PLAC8: variants seen among roughly 807,000 people sequenced by gnomAD.
PLAC8 encodes the protein placenta associated 8.
PLAC8 carries 6 observed loss-of-function variants against 12.6 expected under a neutral mutation model. That is an observed-to-expected ratio of 0.48 (90% CI 0.26 to 0.94). The LOEUF (loss-of-function observed/expected upper bound fraction) is 0.94, where lower values mean the gene tolerates loss of function less well. Ranked by LOEUF, PLAC8 falls within the 40% of genes least tolerant of loss-of-function variation. PLAC8 has a pLI of 0.14. For missense variants in PLAC8, 122 were observed against 152.7 expected (o/e 0.80, Z 1.06); for synonymous variants, 54 against 52.6 (o/e 1.03, Z -0.11).
chr4:83,105,149 T>C, intron 2 of PLAC8, 129 bp from the exon 3 acceptor site: 1 of 964,080 alleles, frequency 1.0e-6, no homozygotes. Context: ...GCTAAGTCCA[T>C]CTTCAATGTT....
intron 3 of PLAC8, among the ~76,000 whole-genome samples, chr4:83,098,457 T>G (rs2126140749): frequency 6.6e-6 from 1 of 152,328 alleles, no homozygotes; most frequent in Admixed American, 6.5e-5. Flanking sequence ...AAATCTTACC[T>G]TATGGTCAAA....
intron 1 of PLAC8, among the ~76,000 whole-genome samples, chr4:83,111,019 T>C (rs1050135709): frequency 6.6e-6 from 1 of 152,166 alleles, no homozygotes; most frequent in Non-Finnish European, 1.5e-5. Flanking sequence ...AGGAGTGCAA[T>C]GAATGGCACG....
At position 83,094,663 on chromosome 4, in the gene PLAC8, T is replaced by G. The variant is rs1249322844; in HGVS notation, c.*9+15A>C. 2 of 1,326,294 alleles carry G rather than the reference T, an allele frequency of 1.5e-6. No homozygotes were observed. Among genetic ancestry groups the G allele is most frequent in the Non-Finnish European group, 2.2e-6 (2 of 928,786 alleles). The allele number at this position is 1,326,294 out of a possible 1,614,324, so 82.2% of individuals were successfully genotyped here. A position where few individuals can be genotyped will look rare whatever the true frequency, so the allele number is the denominator to read the frequency against. ...AAACCCACATGTTCTGAGAGGCATG[T>G]TTGCATTGACTCACCATCAGTTTTT... On this transcript the variant is annotated intron_variant, in intron 4 of 4. Coordinates refer to ENST00000311507, the MANE Select transcript of PLAC8 (RefSeq NM_016619.3).
chr4:83,092,810 C>CTTTTTTTTTTTTTTTTTTTTTTTTTCT (rs70946966), intron 4 of PLAC8: 3 of 84,884 alleles, frequency 3.5e-5, no homozygotes, highest in African/African-American at 5.1e-5. Context: ...TTTTCTTTTC[C>CTTTTTTTTTTTTTTTTTTTTTTTTTCT]TTTTTTTTTT....
intron 3 of PLAC8, among the ~76,000 whole-genome samples, chr4:83,096,318 T>A (rs1316524264): frequency 1.3e-5 from 2 of 152,176 alleles, no homozygotes; most frequent in Non-Finnish European, 2.9e-5. Flanking sequence ...AAAAAGAGTT[T>A]CAGGCTAGGA....
rs1172810992 is a variant in PLAC8 at position 83,107,932 on chromosome 4, G to A, written c.-11C>T. ...CGCCTGAGCTTGCATTTTCAGTGCA[G>A]GGCCTTAAAAGCAGTGGACTGAAAA... On this transcript the variant is annotated 5_prime_UTR_variant, in exon 2 of 5. Coordinates refer to ENST00000311507, the MANE Select transcript of PLAC8 (RefSeq NM_016619.3). The A allele has an allele frequency of 5.5e-6, 8 of 1,459,148 alleles. No individual in the cohort carries two copies. The highest frequency in any genetic ancestry group is 7.4e-6 in the Non-Finnish European group (8 of 1,079,628). 90.4% of individuals were successfully genotyped at this position (1,459,148 alleles called of 1,614,324 possible).
chr4:83,109,411 G>A (rs1481478401), intron 1 of PLAC8, among the ~76,000 whole-genome samples: 1 of 152,130 alleles, frequency 6.6e-6, no homozygotes, highest in Non-Finnish European at 1.5e-5. Flanking sequence ...CCCATCTGTG[G>A]ATCCCACAGC....
intron 4 of PLAC8, among the ~76,000 whole-genome samples, chr4:83,091,702 C>T (rs1475043768): frequency 1.3e-5 from 2 of 152,134 alleles, no homozygotes; most frequent in African/African-American, 4.8e-5. Context: ...TCATGCCGCT[C>T]TCCTTGAGGA....
At chr4:83,112,540 C>A (rs992230377) in intron 1 of PLAC8, among the ~76,000 whole-genome samples, 1 of 152,234 alleles carries the variant, frequency 6.6e-6, no homozygotes, top group Non-Finnish European at 1.5e-5. Context: ...GAAGTCTACT[C>A]GGCTTATCCC....
At chr4:83,108,356 G>A (rs1253951440) in intron 1 of PLAC8, among the ~76,000 whole-genome samples, 1 of 152,176 alleles carries the variant, frequency 6.6e-6, no homozygotes, top group Admixed American at 6.5e-5. Flanking sequence ...ACTTTGGGAG[G>A]CCGAGGCCGA....
chr4:83,099,242 T>A (rs1732022824), intron 3 of PLAC8, among the ~76,000 whole-genome samples: 2 of 152,120 alleles, frequency 1.3e-5, no homozygotes, highest in Non-Finnish European at 1.5e-5. Flanking sequence ...ATAACTTTTT[T>A]TTTTTTTGAG....
chr4:83,104,738 A>G (rs1732194045), intron 3 of PLAC8, among the ~76,000 whole-genome samples, 158 bp downstream of exon 3: 1 of 152,248 alleles, frequency 6.6e-6, no homozygotes, highest in South Asian at 2.1e-4. Context: ...CCACATAACC[A>G]GAAGATCTGT....
intron 1 of PLAC8, among the ~76,000 whole-genome samples, chr4:83,111,854 G>C (rs954144326): frequency 1.3e-5 from 2 of 152,110 alleles, no homozygotes; most frequent in African/African-American, 4.8e-5. Flanking sequence ...CATTTTCTGA[G>C]TGCCTTTGAA....
At chr4:83,101,910 T>C (rs1732110125) in intron 3 of PLAC8, among the ~76,000 whole-genome samples, 1 of 152,240 alleles carries the variant, frequency 6.6e-6, no homozygotes, top group Admixed American at 6.5e-5. Flanking sequence ...CAGCATTGTT[T>C]ACCAAATATT....
intron 1 of PLAC8, among the ~76,000 whole-genome samples, chr4:83,110,896 G>A (rs1022055981): frequency 6.6e-6 from 1 of 152,180 alleles, no homozygotes; most frequent in South Asian, 2.1e-4. Flanking sequence ...TCAAATACCA[G>A]AAAAAATATG....
chr4:83,107,071 G>T (rs757744445), intron 2 of PLAC8, among the ~76,000 whole-genome samples: 1 of 152,094 alleles, frequency 6.6e-6, no homozygotes, highest in Non-Finnish European at 1.5e-5. Context: ...GTGGTGACGG[G>T]TGCCTGTAAT....
chr4:83,099,757 G>T (rs1453953941), intron 3 of PLAC8, among the ~76,000 whole-genome samples: 2 of 151,434 alleles, frequency 1.3e-5, no homozygotes, highest in African/African-American at 4.9e-5. Flanking sequence ...CAGCACTTTG[G>T]AAGGCCAAGG....
chr4:83,102,886 A>T (rs1732138180), intron 3 of PLAC8, among the ~76,000 whole-genome samples: 1 of 151,370 alleles, frequency 6.6e-6, no homozygotes, highest in Admixed American at 6.6e-5. Flanking sequence ...GGAGATTGAG[A>T]CAATACTGGC....
At chr4:83,105,368 A>G (rs138153669) in intron 2 of PLAC8, among the ~76,000 whole-genome samples, 15 of 152,372 alleles carry the variant, frequency 9.8e-5, no homozygotes, top group African/African-American at 3.6e-4. Flanking sequence ...TCATAGGGAA[A>G]GTTCTCCAAC....
Sources: allele counts gnomAD v4.1 joint callset (sites outside exome capture counted in the v4.1 genomes callset), GRCh38; gene constraint gnomAD v4.1.1; transcripts MANE v1.5; gene names NCBI Gene and HGNC (gene_info 2026-07-23, HGNC 2026-07-21).